The following XPC variants were observed in gnomAD, a reference collection of about 807,000 sequenced individuals.
The protein encoded by XPC is DNA repair protein complementing XP-C cells.
In XPC, 76 loss-of-function variants were observed where a neutral mutation model predicts 95.8. The ratio of observed to expected loss-of-function variants is 0.79; its 90% CI spans 0.66 to 0.96. The LOEUF (loss-of-function observed/expected upper bound fraction) is 0.96. Among genes scored for constraint, XPC ranks in the 40% least tolerant of loss-of-function variants. XPC has a pLI of 0.00. For synonymous variants in XPC, 442 were observed against 442.1 expected (o/e 1.00, Z 0.00); for missense variants, 1,146 against 1,179.8 (o/e 0.97, Z 0.42).
chr3:14,178,392 C>G, intron 1 of XPC, 74 bp downstream of exon 1: 1 of 1,494,312 alleles, frequency 6.7e-7, no homozygotes, highest in Non-Finnish European at 8.9e-7. Context: ...CGCGTCTGGA[C>G]TCCCGCCCTG....
intron 7 of XPC, among the ~76,000 whole-genome samples, chr3:14,162,793 T>C (rs1241949358): frequency 6.6e-6 from 1 of 152,124 alleles, no homozygotes; most frequent in Non-Finnish European, 1.5e-5. Flanking sequence ...TCAAAACTTT[T>C]GGGTATCAAA....
intron 15 of XPC, 150 bp from the exon 16 acceptor site, chr3:14,146,309 A>C: frequency 1.4e-6 from 1 of 732,912 alleles, no homozygotes; most frequent in South Asian, 1.8e-5. Flanking sequence ...GAGAGAGCCC[A>C]GACCCTTCTT....
intron 13 of XPC, 30 bp from the exon 14 acceptor site, chr3:14,148,031 C>T (rs1193163738): frequency 9.8e-6 from 15 of 1,534,428 alleles, no homozygotes; most frequent in African/African-American, 4.1e-5. Context: ...TGTCAACCCT[C>T]GAACCTGCTG....
At chr3:14,147,635 C>G (rs1695494034) in intron 14 of XPC, 2 of 602,820 alleles carry the variant, frequency 3.3e-6, no homozygotes, top group Non-Finnish European at 5.8e-6. Flanking sequence ...CTTCCAGAAC[C>G]TGGACACAGG....
chr3:14,176,823 G>A (rs2733539), intron 1 of XPC, among the ~76,000 whole-genome samples: 65,308 of 152,150 alleles, frequency 0.43, 14,539 homozygotes, highest in Non-Finnish European at 0.48. Context: ...TTTACTAGCC[G>A]GGCGCAGTGG....
intron 1 of XPC, 39 bp from the exon 2 acceptor site, chr3:14,173,101 G>A: frequency 6.7e-7 from 1 of 1,487,186 alleles, no homozygotes; most frequent in Non-Finnish European, 8.9e-7. Flanking sequence ...GGGGTGGAAG[G>A]AAAGGTGGAG....
intron 3 of XPC, among the ~76,000 whole-genome samples, chr3:14,169,728 A>G (rs1269646596): frequency 2.0e-5 from 3 of 152,246 alleles, no homozygotes; most frequent in African/African-American, 7.2e-5. Flanking sequence ...AATATCTACA[A>G]CTTATTTTCA....
chr3:14,155,668 C>T lies in XPC; in HGVS notation c.2033+667G>A, dbSNP rs60259928. ...CGCCTCCCGGGTTCACGCCATTCTC[C>T]TGCCTCAGCCTCTCCGAGTCGCTGG... On this transcript the variant is annotated intron_variant, in intron 10 of 15. Coordinates refer to ENST00000285021, the MANE Select transcript of XPC (RefSeq NM_004628.5). 6.2e-3 allele frequency among the ~76,000 whole-genome samples: 951 copies of T among 152,250 alleles called. 14 individuals carry two copies. Among genetic ancestry groups the T allele is most frequent in the African/African-American group, 0.022 (918 of 41,528 alleles).
chr3:14,170,444 C>T lies in XPC; in HGVS notation c.406G>A (p.Val136Ile). The change falls in exon 3 of 16, where the codon GTT (valine) becomes ATT (isoleucine). Residue 136 changes from valine to isoleucine, a missense_variant. By Grantham distance (29) the Val-to-Ile change is conservative. Transcript: ENST00000285021. Reference sequence around the variant, plus strand: ...ACAAAGAAAGATGTTTCACCTTCAACCTCTTCCCAATCATTTTCACTTTCT... The same window carrying T: ...ACAAAGAAAGATGTTTCACCTTCAATCTCTTCCCAATCATTTTCACTTTCT... ...EEESENDWEE[V>I]EELSEPVLGD... 6.2e-7 allele frequency: 1 copy of T among 1,613,662 alleles called. No homozygotes were observed. Among genetic ancestry groups the T allele is most frequent in the Non-Finnish European group, 8.5e-7 (1 of 1,179,622 alleles).
At position 14,167,177 on chromosome 3, in the gene XPC, T is replaced by C; in HGVS notation, c.613A>G (p.Thr205Ala). Residue 205 changes from threonine to alanine, a missense_variant, in exon 5 of 16, where the codon ACA (threonine) becomes GCA (alanine). Transcript: ENST00000285021. ...TCATTCCTTGCCCTTACCTTGTGTG[T>C]GTCCTCATGGACCCCTTTATTGAAA... ...KRFNKGVHED[T>A]HKVHLLCLLA... The C allele has an allele frequency of 6.2e-7, 1 of 1,604,370 alleles. No homozygotes were observed. Among genetic ancestry groups the C allele is most frequent in the Non-Finnish European group, 8.5e-7 (1 of 1,174,770 alleles).
chr3:14,171,456 C>T (rs562983787), intron 2 of XPC, among the ~76,000 whole-genome samples: 3 of 152,264 alleles, frequency 2.0e-5, no homozygotes, highest in South Asian at 2.1e-4. Context: ...TTGGCAGTAT[C>T]GTGGCCTATC....
chr3:14,145,698 G>C lies in XPC; in HGVS notation c.*243C>G. On this transcript the variant is annotated 3_prime_UTR_variant, in exon 16 of 16. Coordinates refer to ENST00000285021, the MANE Select transcript of XPC (RefSeq NM_004628.5). ...TAGCTCAAAGGGTGAGTGGGCTTTGGTAGCAAAAAGCTTTGAAGGCTTCAC... is the reference window on the plus strand; with the variant it reads ...TAGCTCAAAGGGTGAGTGGGCTTTGCTAGCAAAAAGCTTTGAAGGCTTCAC... The C allele has an allele frequency of 1.4e-6, 1 of 700,928 alleles. No homozygotes were observed. 43.4% of individuals were successfully genotyped at this position (700,928 alleles called of 1,614,324 possible).
chr3:14,164,900 A>G lies in XPC; in HGVS notation c.813T>C (p.Leu271=), dbSNP rs762844512. The G allele has an allele frequency of 1.6e-5, 25 of 1,612,692 alleles. No individual in the cohort carries two copies. The East Asian group carries it at 5.6e-4, about 36-fold the overall frequency. ...GCAGGTTATCTTGTTCACTGGCTGA[A>G]AGTTCTGCATTAACTGTAAATGTTC... The part of the protein sequence containing the change: ...FIGTFTVNAE[L]SASEQDNLQT... The change falls in exon 7 of 16, where the codon CTT becomes CTC. Residue 271 remains leucine (L), a synonymous_variant. Transcript: ENST00000285021.
At chr3:14,165,293 C>T in intron 6 of XPC, 135 bp downstream of exon 6, 1 of 1,228,102 alleles carries the variant, frequency 8.1e-7, no homozygotes, top group Non-Finnish European at 1.1e-6. Flanking sequence ...ATTTCTCTAT[C>T]TTCAATGCCA....
intron 9 of XPC, 58 bp downstream of exon 9, chr3:14,157,953 C>G: frequency 6.5e-7 from 1 of 1,531,772 alleles, no homozygotes; most frequent in South Asian, 1.3e-5. Context: ...TGCTCAAAAA[C>G]AGGAATAATT....
chr3:14,167,860 AT>A (rs1316206331), intron 4 of XPC, among the ~76,000 whole-genome samples: 1 of 152,246 alleles, frequency 6.6e-6, no homozygotes, highest in East Asian at 1.9e-4. Flanking sequence ...GTCCTGCAGC[AT>A]GACATGGTGA....
chr3:14,170,215 C>T (rs181975452), intron 3 of XPC, among the ~76,000 whole-genome samples: 37 of 152,328 alleles, frequency 2.4e-4, no homozygotes, highest in Non-Finnish European at 4.1e-4. Context: ...TATATCTACC[C>T]CATTGACAGT....
chr3:14,146,606 G>A (rs1695447650), intron 15 of XPC, among the ~76,000 whole-genome samples: 1 of 152,228 alleles, frequency 6.6e-6, no homozygotes, highest in South Asian at 2.1e-4. Context: ...TTTGGATGGA[G>A]AAGGCGGCAA....
Position 14,164,934 on chromosome 3 carries a change from C to T in XPC, c.780-1G>A. ...ATTAACTGTAAATGTTCCAATGAACCTGGGGAGAAAGCAGGCATTCCTTGT... is the reference window on the plus strand; with the variant it reads ...ATTAACTGTAAATGTTCCAATGAACTTGGGGAGAAAGCAGGCATTCCTTGT... On this transcript the variant is annotated splice_acceptor_variant, in intron 6 of 15. Coordinates refer to ENST00000285021, the MANE Select transcript of XPC (RefSeq NM_004628.5). LOFTEE classifies it high-confidence loss of function. The T allele has an allele frequency of 6.2e-7, 1 of 1,605,956 alleles. No individual in the cohort carries two copies. Among genetic ancestry groups the T allele is most frequent in the Non-Finnish European group, 8.5e-7 (1 of 1,176,358 alleles).
Sources: gnomAD v4.1 joint callset for allele counts (sites outside exome capture counted in the v4.1 genomes callset) on GRCh38, gnomAD v4.1.1 for gene constraint, MANE v1.5 for transcripts, NCBI Gene and HGNC (gene_info 2026-07-23, HGNC 2026-07-21) for gene names.